The following CA10 variants were observed in gnomAD, a reference collection of about 807,000 sequenced individuals.
CA10 encodes the protein carbonic anhydrase-related protein 10.
In CA10, 14 loss-of-function variants were observed where a neutral mutation model predicts 44.2. That is an observed-to-expected ratio of 0.32 (90% CI 0.21 to 0.50). CA10 has a LOEUF of 0.50. Among genes scored for constraint, CA10 ranks in the 20% least tolerant of loss-of-function variants. CA10 has a pLI of 0.99. For synonymous variants in CA10, 159 were observed against 141.6 expected (o/e 1.12, Z -0.87); for missense variants, 350 against 409.7 (o/e 0.85, Z 1.26).
intron 4 of CA10, among the ~76,000 whole-genome samples, chr17:51,691,312 G>A (rs1915184854): frequency 6.6e-6 from 1 of 152,044 alleles, no homozygotes; most frequent in South Asian, 2.1e-4. Context: ...ATTTTCATTT[G>A]CATTTGATGA....
chr17:51,798,575 A>C (rs1368114127), intron 3 of CA10, among the ~76,000 whole-genome samples: 1 of 152,244 alleles, frequency 6.6e-6, no homozygotes, highest in Non-Finnish European at 1.5e-5. Flanking sequence ...TGTGCCAGGC[A>C]TAGTGAAAAT....
intron 4 of CA10, among the ~76,000 whole-genome samples, chr17:51,715,721 C>T (rs935394094): frequency 4.6e-5 from 7 of 151,812 alleles, no homozygotes; most frequent in African/African-American, 1.5e-4. Flanking sequence ...GACGGAGTCT[C>T]GCTCTGTTAC....
At chr17:51,655,334 C>T (rs1353518078) in intron 4 of CA10, among the ~76,000 whole-genome samples, 1 of 152,202 alleles carries the variant, frequency 6.6e-6, no homozygotes, top group African/African-American at 2.4e-5. Context: ...GCATTTTCCA[C>T]AGGCTGATTT....
At chr17:51,744,898 G>C (rs928739007) in intron 4 of CA10, among the ~76,000 whole-genome samples, 7 of 152,240 alleles carry the variant, frequency 4.6e-5, no homozygotes, top group Middle Eastern at 3.4e-3. Context: ...CTGAAATTCT[G>C]GTCTCTTGCA....
chr17:51,986,133 A>G (rs191534411), intron 2 of CA10, among the ~76,000 whole-genome samples: 25 of 152,238 alleles, frequency 1.6e-4, no homozygotes, highest in African/African-American at 5.8e-4. Flanking sequence ...TCAACAAAAC[A>G]ACATGGTACT....
At chr17:52,036,136 C>T (rs771846605) in intron 2 of CA10, among the ~76,000 whole-genome samples, 2 of 152,180 alleles carry the variant, frequency 1.3e-5, no homozygotes, top group Non-Finnish European at 2.9e-5. Flanking sequence ...CCAGGGGCCA[C>T]ATGTGGGGGT....
Position 51,865,533 on chromosome 17 carries a change from G to A in CA10, c.279+65457C>T, listed in dbSNP as rs140325790. Among the ~76,000 whole-genome samples the A allele has an allele frequency of 9.3e-4, 142 of 152,298 alleles. 2 individuals carry two copies. In the East Asian group the frequency reaches 0.022, roughly 24 times the overall value. On this transcript the variant is annotated intron_variant, in intron 3 of 8. Coordinates refer to ENST00000451037, the MANE Select transcript of CA10 (RefSeq NM_020178.5). ...GACATGTTCCTTAAGCTGCCAGGCC[G>A]CAGGGCAGTGTCCATGGCCTCAGGG...
At chr17:51,667,142 G>A (rs540496428) in intron 4 of CA10, among the ~76,000 whole-genome samples, 3 of 152,154 alleles carry the variant, frequency 2.0e-5, no homozygotes, top group Non-Finnish European at 2.9e-5. Flanking sequence ...CTGTTTTATG[G>A]GCTCTTACAT....
At chr17:51,644,948 G>A (rs145520426) in intron 6 of CA10, among the ~76,000 whole-genome samples, 107 of 151,802 alleles carry the variant, frequency 7.0e-4, no homozygotes, top group African/African-American at 2.3e-3. Context: ...ACAGGCGCGC[G>A]CCACAATCCC....
At chr17:51,951,754 T>C (rs1983492326) in intron 2 of CA10, among the ~76,000 whole-genome samples, 1 of 152,176 alleles carries the variant, frequency 6.6e-6, no homozygotes, top group Non-Finnish European at 1.5e-5. Context: ...AGATGTACTC[T>C]AAGAGTTGCT....
chr17:51,701,651 GTCTCATAATAGTTAAC>G (rs1402296020), intron 4 of CA10, among the ~76,000 whole-genome samples: 6 of 152,008 alleles, frequency 3.9e-5, no homozygotes, highest in Admixed American at 2.0e-4. Flanking sequence ...CCAAATGAAA[GTCTCATAATAGTTAAC>G]TCTCAATTAT....
chr17:51,776,306 T>G (rs1256667403), intron 3 of CA10, among the ~76,000 whole-genome samples: 3 of 151,986 alleles, frequency 2.0e-5, no homozygotes, highest in Non-Finnish European at 4.4e-5. Context: ...ACCTGGGAGA[T>G]GGAGATTGTA....
chr17:52,015,620 G>A (rs980288684), intron 2 of CA10, among the ~76,000 whole-genome samples: 1 of 152,108 alleles, frequency 6.6e-6, no homozygotes, highest in African/African-American at 2.4e-5. Flanking sequence ...CAGGTCTCCA[G>A]CTATTTCTTC....
intron 2 of CA10, among the ~76,000 whole-genome samples, chr17:52,027,551 G>T (rs566981193): frequency 6.6e-6 from 1 of 152,066 alleles, no homozygotes. Flanking sequence ...GGGGAAAGAC[G>T]ACATGCACAT....
At position 52,157,822 on chromosome 17, in the gene CA10, G is replaced by A; in HGVS notation, c.-36C>T. ...TCATTCCAAGTGCATCACTCGACGGGAAAACGGGGGGAAGGGGGGAGCCCG... is the reference window on the plus strand; with the variant it reads ...TCATTCCAAGTGCATCACTCGACGGAAAAACGGGGGGAAGGGGGGAGCCCG... On this transcript the variant is annotated 5_prime_UTR_variant, in exon 1 of 9. Coordinates refer to ENST00000451037, the MANE Select transcript of CA10 (RefSeq NM_020178.5). 1.3e-6 allele frequency: 2 copies of A among 1,574,014 alleles called. No homozygotes were observed. The highest frequency in any genetic ancestry group is 1.1e-5 in the South Asian group (1 of 90,306).
chr17:52,098,019 T>C (rs1210704110), intron 1 of CA10, among the ~76,000 whole-genome samples: 2 of 152,060 alleles, frequency 1.3e-5, no homozygotes, highest in African/African-American at 4.8e-5. Flanking sequence ...ACTAAGGGGG[T>C]GGCAGGGTGT....
rs531040270 is a variant in CA10 at position 51,660,855 on chromosome 17, T to C, written c.466-7119A>G. ...TCTGTGCTCTGCTCAGTGTCTTTCT[T>C]TCAGCCTCCCTTATATACTGGGCTT... On this transcript the variant is annotated intron_variant, in intron 4 of 8. Transcript: ENST00000451037. 3.3e-5 allele frequency among the ~76,000 whole-genome samples: 5 copies of C among 152,234 alleles called. No individual in the cohort carries two copies. The East Asian group carries it at 9.7e-4, about 29-fold the overall frequency.
At chr17:51,706,576 C>A (rs1245942562) in intron 4 of CA10, among the ~76,000 whole-genome samples, 1 of 152,204 alleles carries the variant, frequency 6.6e-6, no homozygotes, top group Non-Finnish European at 1.5e-5. Flanking sequence ...CCCCTATGGT[C>A]TTCTCTTGGC....
intron 2 of CA10, among the ~76,000 whole-genome samples, chr17:52,027,943 T>A (rs963411965): frequency 6.6e-6 from 1 of 152,164 alleles, no homozygotes; most frequent in Middle Eastern, 3.2e-3. Context: ...TCTGGGATCC[T>A]ACTTTCAACA....
Sources: allele counts gnomAD v4.1 joint callset (sites outside exome capture counted in the v4.1 genomes callset), GRCh38; gene constraint gnomAD v4.1.1; transcripts MANE v1.5; gene names NCBI Gene and HGNC (gene_info 2026-07-23, HGNC 2026-07-21).